HEMK2: variants seen among roughly 807,000 people sequenced by gnomAD.
HEMK2 encodes methyltransferase HEMK2.
the HEMK2 span, among the ~76,000 whole-genome samples, chr21:28,820,700 G>A: frequency 6.6e-6 from 1 of 152,100 alleles, no homozygotes; most frequent in Non-Finnish European, 1.5e-5. Context: ...TTTGTGAGTT[G>A]ATTTTTCAGC....
the HEMK2 span, among the ~76,000 whole-genome samples, chr21:28,805,340 T>G: frequency 1.3e-5 from 2 of 152,216 alleles, no homozygotes; most frequent in African/African-American, 4.8e-5. Flanking sequence ...TCCAGCACTG[T>G]ATAGGCTCTT....
the HEMK2 span, chr21:28,883,147 T>A: frequency 3.2e-6 from 3 of 937,884 alleles, no homozygotes; most frequent in Non-Finnish European, 4.7e-6. Context: ...GCTAGTGTTA[T>A]TTCTAGCATA....
At chr21:28,842,641 T>C in the HEMK2 span, among the ~76,000 whole-genome samples, 1 of 152,086 alleles carries the variant, frequency 6.6e-6, no homozygotes, top group African/African-American at 2.4e-5. Flanking sequence ...AGAAGCCGAG[T>C]TTTGTTCAGC....
At chr21:28,869,732 A>G in the HEMK2 span, among the ~76,000 whole-genome samples, 2 of 152,220 alleles carry the variant, frequency 1.3e-5, no homozygotes, top group Admixed American at 6.5e-5. Context: ...GGAATAGAAC[A>G]CTTTCTATGC....
At chr21:28,867,064 G>GC in the HEMK2 span, among the ~76,000 whole-genome samples, 1 of 151,990 alleles carries the variant, frequency 6.6e-6, no homozygotes, top group East Asian at 1.9e-4. Context: ...TACACTACTG[G>GC]CAAGTAAACT....
chr21:28,624,392 A>G, the HEMK2 span, among the ~76,000 whole-genome samples: 1 of 152,216 alleles, frequency 6.6e-6, no homozygotes, highest in South Asian at 2.1e-4. Context: ...TTCTCTCCGT[A>G]ATACATACGA....
chr21:28,705,597 ACT>A, the HEMK2 span, among the ~76,000 whole-genome samples: 1 of 152,230 alleles, frequency 6.6e-6, no homozygotes, highest in East Asian at 1.9e-4. Flanking sequence ...AACTTCAAAG[ACT>A]CTGCTGTATT....
chr21:28,884,582 A>G, the HEMK2 span, among the ~76,000 whole-genome samples: 2 of 152,348 alleles, frequency 1.3e-5, no homozygotes, highest in South Asian at 2.1e-4. Flanking sequence ...ATAAAGTGCT[A>G]GGGTAGACTA....
the HEMK2 span, among the ~76,000 whole-genome samples, chr21:28,724,245 C>T: frequency 5.3e-5 from 8 of 152,190 alleles, no homozygotes; most frequent in African/African-American, 1.9e-4. Context: ...AGGCTAAATA[C>T]TAGGTAAGGC....
the HEMK2 span, chr21:28,883,153 G>T: frequency 1.1e-6 from 1 of 899,182 alleles, no homozygotes; most frequent in Non-Finnish European, 1.6e-6. Context: ...GTTATTTCTA[G>T]CATATATATT....
At chr21:28,652,016 G>A in the HEMK2 span, among the ~76,000 whole-genome samples, 1 of 152,152 alleles carries the variant, frequency 6.6e-6, no homozygotes. Context: ...GATTTGATTT[G>A]AATAGCTGTA....
chr21:28,791,067 T>A, the HEMK2 span, among the ~76,000 whole-genome samples: 2 of 152,202 alleles, frequency 1.3e-5, no homozygotes, highest in Non-Finnish European at 2.9e-5. Context: ...TGGTTAGACA[T>A]AGAAAATGAT....
the HEMK2 span, among the ~76,000 whole-genome samples, chr21:28,699,045 T>C: frequency 1.3e-5 from 2 of 152,206 alleles, no homozygotes; most frequent in Non-Finnish European, 2.9e-5. Context: ...GTTCACCTCC[T>C]AATATTATTT....
At chr21:28,662,611 G>A in the HEMK2 span, among the ~76,000 whole-genome samples, 14 of 152,098 alleles carry the variant, frequency 9.2e-5, no homozygotes, top group African/African-American at 3.4e-4. Flanking sequence ...TAATTGGATC[G>A]TGGAGATGGT....
At chr21:28,651,403 CT>C in the HEMK2 span, among the ~76,000 whole-genome samples, 1 of 152,198 alleles carries the variant, frequency 6.6e-6, no homozygotes, top group Admixed American at 6.5e-5. Context: ...TGAATCAAGG[CT>C]TTTATGGAAA....
chr21:28,689,008 G>A, the HEMK2 span, among the ~76,000 whole-genome samples: 1 of 152,148 alleles, frequency 6.6e-6, no homozygotes, highest in Non-Finnish European at 1.5e-5. Flanking sequence ...ACACAAAGCT[G>A]AAAATATTTA....
chr21:28,851,385 G>A, the HEMK2 span, among the ~76,000 whole-genome samples: 3 of 152,130 alleles, frequency 2.0e-5, no homozygotes, highest in Non-Finnish European at 2.9e-5. Context: ...GGACCCCACT[G>A]AAAAATGGCA....
At chr21:28,784,149 A>G in the HEMK2 span, among the ~76,000 whole-genome samples, 1 of 152,214 alleles carries the variant, frequency 6.6e-6, no homozygotes, top group African/African-American at 2.4e-5. Context: ...GCGGGCACAC[A>G]GCGCGGGACT....
chr21:28,802,552 A>AC, the HEMK2 span, among the ~76,000 whole-genome samples: 1 of 151,692 alleles, frequency 6.6e-6, no homozygotes, highest in Non-Finnish European at 1.5e-5. Flanking sequence ...AAATAGTGAA[A>AC]CCCCGTCTCT....
Sources: gnomAD v4.1 joint callset for allele counts (sites outside exome capture counted in the v4.1 genomes callset) on GRCh38, gnomAD v4.1.1 for gene constraint, MANE v1.5 for transcripts, NCBI Gene and HGNC (gene_info 2026-07-23, HGNC 2026-07-21) for gene names.